The following TDRKH variants were observed in gnomAD, a reference collection of about 807,000 sequenced individuals.
TDRKH encodes tudor and KH domain containing.
TDRKH carries 28 observed loss-of-function variants against 61.3 expected under a neutral mutation model. The ratio of observed to expected loss-of-function variants is 0.46; its 90% CI spans 0.34 to 0.63. TDRKH has a LOEUF of 0.63. Ranked by LOEUF, TDRKH falls within the 20% of genes least tolerant of loss-of-function variation. The probability of loss-of-function intolerance (pLI) is 0.01; values close to 1 mark genes in which losing one functional copy is unlikely to be tolerated. For synonymous variants in TDRKH, 219 were observed against 244.4 expected, an observed-to-expected ratio of 0.90 and a Z score of 0.97; for missense variants, 540 against 683.4, an observed-to-expected ratio of 0.79 and a Z score of 2.34.
At chr1:151,771,958 T>C (rs3790513), downstream of TDRKH, 17,698 of 398,606 alleles carry the variant, frequency 0.044, 2,452 homozygotes, top group East Asian at 0.35. Flanking sequence ...GGGCTGAGCA[T>C]GCTTCAGCGA....
chr1:151,775,744 T>G (rs960623764), intron 9 of TDRKH, 76 bp downstream of exon 9: 392 of 1,552,484 alleles, frequency 2.5e-4, no homozygotes, highest in Non-Finnish European at 3.2e-4. Context: ...CCTGGGAATG[T>G]GAGAATTCCT....
chr1:151,781,344 T>G, intron 3 of TDRKH, 137 bp downstream of exon 3: 1 of 180,886 alleles, frequency 5.5e-6, no homozygotes, highest in Non-Finnish European at 1.1e-5. Context: ...TATATATATA[T>G]TTTATATATA....
At chr1:151,779,716 C>T (rs1330637005) in intron 4 of TDRKH, 3 of 466,242 alleles carry the variant, frequency 6.4e-6, no homozygotes, top group Middle Eastern at 5.7e-4. Context: ...AAATATAATA[C>T]ATCTACTAGA....
At chr1:151,782,157 T>C (rs1245659426) in intron 2 of TDRKH, 1 of 366,808 alleles carries the variant, frequency 2.7e-6, no homozygotes, top group East Asian at 7.7e-5. Flanking sequence ...CTTACTTTGC[T>C]ATGTAAGAAC....
chr1:151,770,549 A>G (rs890393065), downstream of TDRKH: 1 of 354,374 alleles, frequency 2.8e-6, no homozygotes, highest in African/African-American at 2.2e-5. Flanking sequence ...ATGGATCTCA[A>G]ACATATGGAG....
Position 151,774,792 on chromosome 1 carries a change from A to G in TDRKH, c.1551T>C (p.Asp517=), listed in dbSNP as rs1185142813. 2.5e-6 allele frequency: 4 copies of G among 1,614,106 alleles called. No individual in the cohort carries two copies. Among genetic ancestry groups the G allele is most frequent in the Non-Finnish European group, 3.4e-6 (4 of 1,180,038 alleles). The change falls in exon 12 of 13, where the codon GAT becomes GAC. Residue 517 remains aspartate (D), a synonymous_variant. Transcript: ENST00000368824. ...CAGTGAGCAACGTGCTGAGAGAGGCATCTGTTTCTGTGGCCTGAGTGGATG... is the reference window on the plus strand; with the variant it reads ...CAGTGAGCAACGTGCTGAGAGAGGCGTCTGTTTCTGTGGCCTGAGTGGATG... ...DMLKDMATET[D]ASLSTLLTET...
At chr1:151,788,478 T>C (rs1650564418) in intron 1 of TDRKH, among the ~76,000 whole-genome samples, 1 of 152,178 alleles carries the variant, frequency 6.6e-6, no homozygotes, top group Non-Finnish European at 1.5e-5. Context: ...AAGAATAAAC[T>C]GGATCTGTAT....
downstream of TDRKH, chr1:151,771,959 G>A (rs1196441808): frequency 1.5e-5 from 6 of 398,520 alleles, no homozygotes; most frequent in East Asian, 1.8e-4. Flanking sequence ...GGCTGAGCAT[G>A]CTTCAGCGAG....
At chr1:151,784,617 G>A (rs1650144581) in intron 1 of TDRKH, among the ~76,000 whole-genome samples, 1 of 151,974 alleles carries the variant, frequency 6.6e-6, no homozygotes, top group African/African-American at 2.4e-5. Context: ...TTCCTTTCTG[G>A]CTATTCCATC....
intron 6 of TDRKH, 106 bp downstream of exon 6, chr1:151,778,579 A>G: frequency 6.4e-7 from 1 of 1,573,094 alleles, no homozygotes; most frequent in South Asian, 1.1e-5. Context: ...CCCCAGCCAT[A>G]TTATACTGGC....
chr1:151,768,153 C>CCATT, downstream of TDRKH: 1 of 1,614,026 alleles, frequency 6.2e-7, no homozygotes, highest in Non-Finnish European at 8.5e-7. Context: ...AGACCTCTGC[C>CCATT]CATTGGCACG....
downstream of TDRKH, chr1:151,771,348 C>T (rs1398180783): frequency 2.4e-5 from 36 of 1,486,998 alleles, no homozygotes; most frequent in Non-Finnish European, 3.2e-5. Context: ...TTCACGGTTT[C>T]TTGGGGGGGT....
At chr1:151,767,333 C>T (rs749982149), downstream of TDRKH, 1 of 1,602,360 alleles carries the variant, frequency 6.2e-7, no homozygotes. Context: ...TGTGACAGGG[C>T]AACCCTTTTC....
At position 151,773,820 on chromosome 1, in the gene TDRKH, T is replaced by A. The variant is rs1273848589; in HGVS notation, c.*632A>T. 6.6e-6 allele frequency: 1 copy of A among 152,228 alleles called. No homozygotes were observed. The highest frequency in any genetic ancestry group is 1.5e-5 in the Non-Finnish European group (1 of 68,042). The allele number at this position is 152,228 out of a possible 1,614,324, so 9.4% of individuals were successfully genotyped here. ...TTTGCCTCCTGATTCAACTGGAGTC[T>A]TTGAGTTCACCACTCAAAAGCTTTC... is the stretch of plus-strand genomic sequence containing the variant. On this transcript the variant is annotated 3_prime_UTR_variant, in exon 13 of 13. Coordinates refer to ENST00000368824, the MANE Select transcript of TDRKH (RefSeq NM_001083965.2).
intron 1 of TDRKH, chr1:151,783,794 A>ATTT (rs1650063866): frequency 6.6e-6 from 1 of 152,186 alleles, no homozygotes; most frequent in Non-Finnish European, 1.5e-5. Context: ...TCTTTAGACC[A>ATTT]TTTCATCCAC....
downstream of TDRKH, chr1:151,771,804 A>G (rs892545254): frequency 2.5e-6 from 1 of 396,782 alleles, no homozygotes; most frequent in Non-Finnish European, 4.4e-6. Context: ...TATTAAAGAA[A>G]AAGACTTTTA....
downstream of TDRKH, chr1:151,767,321 G>A (rs764927862): frequency 6.2e-7 from 1 of 1,608,382 alleles, no homozygotes. Context: ...GTGAGCTAGT[G>A]CTGTGACAGG....
Position 151,774,590 on chromosome 1 carries a change from C to T in TDRKH, c.1634-86G>A, listed in dbSNP as rs184104798. ...AGCGAGGCTCAAAAGAAAAATGGACCTCTTGGTACTCAATGACCTGACTAG... is the reference window on the plus strand; with the variant it reads ...AGCGAGGCTCAAAAGAAAAATGGACTTCTTGGTACTCAATGACCTGACTAG... On this transcript the variant is annotated intron_variant, in intron 12 of 12. Coordinates refer to ENST00000368824, the MANE Select transcript of TDRKH (RefSeq NM_001083965.2). The T allele has an allele frequency of 1.3e-3, 2,042 of 1,578,984 alleles. 34 individuals are homozygous for T. The South Asian group carries it at 0.022, about 17-fold the overall frequency.
At chr1:151,771,365 T>C, downstream of TDRKH, 3 of 1,455,208 alleles carry the variant, frequency 2.1e-6, no homozygotes, top group Non-Finnish European at 2.7e-6. Flanking sequence ...GGGTGGGTAA[T>C]AGGGTTGACT....
Sources: allele counts gnomAD v4.1 joint callset (sites outside exome capture counted in the v4.1 genomes callset), GRCh38; gene constraint gnomAD v4.1.1; transcripts MANE v1.5; gene names NCBI Gene and HGNC (gene_info 2026-07-23, HGNC 2026-07-21).